The following ATP2B1 variants were observed in gnomAD, a reference collection of about 807,000 sequenced individuals.
ATP2B1 encodes ATPase plasma membrane Ca2+ transporting 1.
A neutral mutation model predicts 124.2 loss-of-function variants in ATP2B1; 14 were observed. The observed-to-expected ratio is 0.11, with a 90% confidence interval of 0.07 to 0.18. The LOEUF is 0.18. ATP2B1 is among the 10% of genes least tolerant of loss of function. The pLI is 1.00. For missense variants in ATP2B1, 763 were observed against 1,466.1 expected (o/e 0.52, Z 7.83); for synonymous variants, 449 against 492.4 (o/e 0.91, Z 1.17).
chr12:89,632,869 G>A (rs185740002), intron 5 of ATP2B1, among the ~76,000 whole-genome samples: 2 of 152,220 alleles, frequency 1.3e-5, no homozygotes, highest in East Asian at 3.9e-4. Flanking sequence ...GGTGTGTTAG[G>A]AACCTGAGTC....
chr12:89,697,192 T>G (rs1891239437), intron 1 of ATP2B1, among the ~76,000 whole-genome samples: 1 of 152,124 alleles, frequency 6.6e-6, no homozygotes, highest in African/African-American at 2.4e-5. Context: ...TACACCAGAC[T>G]CTTATCAGGC....
chr12:89,604,295 C>T lies in ATP2B1; in HGVS notation c.2494G>A (p.Asp832Asn). ...TTAACAATGCTTGTAAAGTTGTCAT[C>T]TGTGAGAATAATATCGGATGCTTCT... ...AKEASDIILT[D>N]DNFTSIVKAV... The change falls in exon 16 of 21, where the codon GAT becomes AAT. Residue 832 changes from aspartate (D) to asparagine (N), a missense_variant. Asp to Asn is a conservative substitution (Grantham distance 23, BLOSUM62 1). This residue lies in a region of ATP2B1 where 51 missense variants were observed against 192.8 expected (regional missense o/e 0.26). Transcript: ENST00000428670. The T allele has an allele frequency of 6.2e-7, 1 of 1,613,568 alleles. No homozygotes were observed. Among genetic ancestry groups the T allele is most frequent in the Non-Finnish European group, 8.5e-7 (1 of 1,179,874 alleles).
At chr12:89,697,670 C>CTTTTTTTTTT (rs56837729) in intron 1 of ATP2B1, among the ~76,000 whole-genome samples, 1 of 131,320 alleles carries the variant, frequency 7.6e-6, no homozygotes, top group Non-Finnish European at 1.6e-5. Flanking sequence ...ATCCAAAAGG[C>CTTTTTTTTTT]TTTTTTTTTT....
intron 2 of ATP2B1, among the ~76,000 whole-genome samples, chr12:89,650,476 G>C (rs896840444): frequency 2.0e-5 from 3 of 152,140 alleles, no homozygotes; most frequent in African/African-American, 4.8e-5. Flanking sequence ...TTTGGTGGGG[G>C]AGACTGACAA....
intron 1 of ATP2B1, among the ~76,000 whole-genome samples, chr12:89,657,854 A>G (rs1886141990): frequency 6.6e-6 from 1 of 152,204 alleles, no homozygotes; most frequent in East Asian, 1.9e-4. Flanking sequence ...GCTGGGTGAG[A>G]AAAGTTTGCT....
Position 89,620,127 on chromosome 12 carries a change from T to C in ATP2B1, c.1701A>G (p.Ile567Met), listed in dbSNP as rs1351049483. Reference protein sequence around the residue: ...KRDYQDVRNEIPEEALYKVYT... With the variant: ...KRDYQDVRNEMPEEALYKVYT... ...AGACTTTGTACAGTGCTTCTTCTGG[T>C]ATTTCATTTCTAACATCCTGATAAT... is the stretch of plus-strand genomic sequence containing the variant. The change falls in exon 11 of 21, where the codon ATA becomes ATG. Residue 567 changes from isoleucine to methionine, a missense_variant. Ile to Met is a conservative substitution (Grantham distance 10). Coordinates refer to ENST00000428670, the MANE Select transcript of ATP2B1 (RefSeq NM_001366521.1). 1 of 1,613,982 alleles carries C rather than the reference T, an allele frequency of 6.2e-7. No homozygotes were observed. The highest frequency in any genetic ancestry group is 1.3e-5 in the African/African-American group (1 of 74,934).
At chr12:89,696,468 ATGT>A (rs975545689) in intron 1 of ATP2B1, among the ~76,000 whole-genome samples, 48 of 151,012 alleles carry the variant, frequency 3.2e-4, no homozygotes, top group East Asian at 1.9e-4. Flanking sequence ...CATTATTAAA[ATGT>A]TGTTAATGAA....
At chr12:89,617,194 C>T (rs924147599) in intron 11 of ATP2B1, among the ~76,000 whole-genome samples, 155 bp from the exon 12 acceptor site, 2 of 152,154 alleles carry the variant, frequency 1.3e-5, no homozygotes, top group African/African-American at 2.4e-5. Context: ...ATTCACTTTT[C>T]ACCCTCCCTT....
intron 16 of ATP2B1, 105 bp downstream of exon 16, chr12:89,604,050 T>G: frequency 2.8e-6 from 4 of 1,408,130 alleles, no homozygotes; most frequent in Non-Finnish European, 3.8e-6. Flanking sequence ...TTAACTAACC[T>G]AAAATATTAA....
At chr12:89,616,660 T>C in intron 12 of ATP2B1, 142 bp downstream of exon 12, 1 of 708,212 alleles carries the variant, frequency 1.4e-6, no homozygotes, top group South Asian at 1.9e-5. Context: ...TAGGTACTAT[T>C]ATTTCATTTA....
Position 89,626,466 on chromosome 12 carries a change from T to C in ATP2B1, c.1117A>G (p.Ile373Val). Residue 373 changes from isoleucine (I) to valine (V), a missense_variant, in exon 8 of 21, where the codon ATT becomes GTT. Ile to Val is a conservative substitution (Grantham distance 29, BLOSUM62 3). Coordinates refer to ENST00000428670, the MANE Select transcript of ATP2B1 (RefSeq NM_001366521.1). ...QGKLTKLAVQ[I>V]GKAGLLMSAI... ...CTCTATATCATACCTGCTTTGCCAA[T>C]CTGAACAGCCAGTTTTGTAAGTTTC... The C allele has an allele frequency of 6.2e-7, 1 of 1,608,926 alleles. No individual in the cohort carries two copies. Among genetic ancestry groups the C allele is most frequent in the South Asian group, 1.1e-5 (1 of 89,876 alleles).
At chr12:89,677,963 TATATATATACACACACACACACAC>T (rs1329277121) in intron 1 of ATP2B1, among the ~76,000 whole-genome samples, 17 of 100,894 alleles carry the variant, frequency 1.7e-4, no homozygotes, top group Non-Finnish European at 2.6e-4. Flanking sequence ...ATTATATATA[TATATATATACACACACACACACAC>T]ACACACACAC....
chr12:89,655,385 T>C (rs920673086), intron 2 of ATP2B1, among the ~76,000 whole-genome samples: 2 of 152,206 alleles, frequency 1.3e-5, no homozygotes. Flanking sequence ...GGTTCCATCC[T>C]CTATAGCTCA....
At chr12:89,645,803 A>C (rs1328038259) in intron 2 of ATP2B1, among the ~76,000 whole-genome samples, 1 of 152,230 alleles carries the variant, frequency 6.6e-6, no homozygotes, top group East Asian at 1.9e-4. Context: ...TGGCATTCTC[A>C]CCTTAAAGTG....
At chr12:89,698,790 C>G (rs1891476248) in intron 1 of ATP2B1, among the ~76,000 whole-genome samples, 1 of 152,132 alleles carries the variant, frequency 6.6e-6, no homozygotes, top group Non-Finnish European at 1.5e-5. Context: ...GGTCTTTTAC[C>G]TTGAGCTGGT....
At chr12:89,697,223 T>C (rs377588805) in intron 1 of ATP2B1, among the ~76,000 whole-genome samples, 3 of 152,218 alleles carry the variant, frequency 2.0e-5, no homozygotes, top group East Asian at 1.9e-4. Flanking sequence ...ATGTAATTAT[T>C]TGGAAAAAAT....
In ATP2B1 at chr12:89,590,986, A is replaced by G; in HGVS notation, c.3661T>C (p.Ter1221ArgextTer2). The change falls in exon 21 of 21, where the codon TGA becomes CGA. Residue 1221 changes from the stop codon to arginine, a stop_lost. Transcript: ENST00000428670. ...GTGTGTTAACATTCAGCTTACAATC[A>G]GAGTGATGTTTCCAAACTATGTAGT... ...SPLHSLETSL[*>R] is the part of the protein sequence containing the mutation. The G allele has an allele frequency of 1.2e-6, 2 of 1,610,760 alleles. No homozygotes were observed. Among genetic ancestry groups the G allele is most frequent in the Non-Finnish European group, 1.7e-6 (2 of 1,177,562 alleles).
chr12:89,629,601 C>T (rs1473364635), intron 6 of ATP2B1, among the ~76,000 whole-genome samples: 1 of 152,164 alleles, frequency 6.6e-6, no homozygotes, highest in Non-Finnish European at 1.5e-5. Context: ...ACAAACCACT[C>T]AAATATTAAA....
intron 12 of ATP2B1, among the ~76,000 whole-genome samples, chr12:89,613,809 C>G (rs1878476038): frequency 6.6e-6 from 1 of 152,302 alleles, no homozygotes; most frequent in South Asian, 2.1e-4. Context: ...TTAAAACTTA[C>G]AAACTATCTC....
Sources: gnomAD v4.1 joint callset for allele counts (sites outside exome capture counted in the v4.1 genomes callset) on GRCh38, gnomAD v4.1.1 for gene constraint, gnomAD v4.1.1 regional missense constraint, MANE v1.5 for transcripts, NCBI Gene and HGNC (gene_info 2026-07-23, HGNC 2026-07-21) for gene names.